FCRL5: variants seen among roughly 807,000 people sequenced by gnomAD.
The protein encoded by FCRL5 is Fc receptor like 5, also known as Fc receptor-like protein 5.
Under a neutral mutation model 92.1 loss-of-function variants are expected in FCRL5, and 79 were observed. The ratio of observed to expected loss-of-function variants is 0.86; its 90% CI spans 0.72 to 1.03. The LOEUF (loss-of-function observed/expected upper bound fraction) is 1.03. Ranked by LOEUF, FCRL5 falls within the 50% of genes least tolerant of loss-of-function variation. The pLI is 0.00. For missense variants in FCRL5, 1,160 were observed against 1,181.1 expected, an observed-to-expected ratio of 0.98 and a Z score of 0.26; for synonymous variants, 466 against 469.3, an observed-to-expected ratio of 0.99 and a Z score of 0.09.
rs1649846246 is a variant in FCRL5, at chr1:157,514,717, A to C, written c.*958T>G. 1 of 152,270 alleles carries C rather than the reference A, an allele frequency of 6.6e-6. No homozygotes were observed. 9.4% of individuals were successfully genotyped at this position (152,270 alleles called of 1,614,324 possible). ...TCACAGGATCCTCAGGTGATCCACA[A>C]GCACATGAAAGTGTGAGAAGCCCTT... is the stretch of plus-strand genomic sequence containing the variant. On this transcript the variant is annotated 3_prime_UTR_variant, in exon 17 of 17. Transcript: ENST00000361835.
intron 9 of FCRL5, among the ~76,000 whole-genome samples, chr1:157,525,021 T>A (rs182421598): frequency 6.8e-4 from 103 of 152,264 alleles, no homozygotes; most frequent in African/African-American, 2.4e-3. Context: ...AAAAATTTTT[T>A]AAAAAATTGA....
At chr1:157,543,614 A>C (rs10796979) in intron 5 of FCRL5, among the ~76,000 whole-genome samples, 112,651 of 152,024 alleles carry the variant, frequency 0.74, 44,063 homozygotes, top group South Asian at 0.86. Flanking sequence ...TGATGATCAC[A>C]TTGCCTCCTT....
At chr1:157,517,922 T>C (rs1185303669) in intron 15 of FCRL5, among the ~76,000 whole-genome samples, 1 of 151,556 alleles carries the variant, frequency 6.6e-6, no homozygotes, top group Non-Finnish European at 1.5e-5. Context: ...TGAAAGATGA[T>C]CTCTCCCTCT....
chr1:157,528,245 TAC>T (rs1650526854), intron 8 of FCRL5: 1 of 164,762 alleles, frequency 6.1e-6, no homozygotes, highest in Non-Finnish European at 1.3e-5. Flanking sequence ...TACTTAGAAA[TAC>T]ACCTTCACAA....
intron 6 of FCRL5, chr1:157,542,064 A>G (rs182991219): frequency 2.6e-4 from 40 of 152,350 alleles, no homozygotes; most frequent in African/African-American, 8.4e-4. Flanking sequence ...CCAAGCTGGT[A>G]TTATTGTTTT....
chr1:157,526,096 G>C (rs906016744), intron 9 of FCRL5, among the ~76,000 whole-genome samples: 3 of 152,194 alleles, frequency 2.0e-5, no homozygotes, highest in Non-Finnish European at 4.4e-5. Flanking sequence ...GTGCTTAAAG[G>C]TTTTCTATAA....
In FCRL5 at chr1:157,544,467, G is replaced by T. The variant is rs1184868150; in HGVS notation, c.639C>A (p.Thr213=). The change falls in exon 5 of 17, where the codon ACC becomes ACA. Residue 213 remains threonine, a synonymous_variant. Transcript: ENST00000361835. ...CATCTGACCTCTCTAGAGAGAGCTG[G>T]GTCTCACAGGTCAGGGTCACTGGGT... is the stretch of plus-strand genomic sequence containing the variant. The part of the protein sequence containing the change: ...SGNPVTLTCE[T]QLSLERSDVP... 1.9e-6 allele frequency: 3 copies of T among 1,614,196 alleles called. No individual in the cohort carries two copies. The highest frequency in any genetic ancestry group is 2.5e-6 in the Non-Finnish European group (3 of 1,180,034).
rs1398275449 is a variant in FCRL5 at position 157,537,182 on chromosome 1, A to G, written c.1402+1904T>C. 7.9e-5 allele frequency among the ~76,000 whole-genome samples: 12 copies of G among 152,352 alleles called. No individual in the cohort carries two copies. In the East Asian group the frequency reaches 2.3e-3, roughly 29 times the overall value. On this transcript the variant is annotated intron_variant, in intron 7 of 16. Transcript: ENST00000361835. ...CTCTGGCTGCCTGTGAGCTGGGTGG[A>G]ACAGAGTCATATTTTTCTTCTTTCT...
intron 12 of FCRL5, 95 bp downstream of exon 12, chr1:157,520,336 C>G: frequency 1.2e-6 from 1 of 853,914 alleles, no homozygotes; most frequent in Admixed American, 2.3e-5. Context: ...TGAGCTCTTG[C>G]GAGCCTGGGA....
intron 7 of FCRL5, among the ~76,000 whole-genome samples, chr1:157,538,321 G>T (rs372103915): frequency 6.6e-6 from 1 of 152,092 alleles, no homozygotes; most frequent in Non-Finnish European, 1.5e-5. Flanking sequence ...GGCCGCTTCC[G>T]GGACCAACCA....
At chr1:157,536,998 T>G (rs1413686147) in intron 7 of FCRL5, among the ~76,000 whole-genome samples, 5 of 152,224 alleles carry the variant, frequency 3.3e-5, no homozygotes, top group Admixed American at 3.3e-4. Context: ...TTTAATCTCT[T>G]AATCCCATCA....
At chr1:157,532,985 T>C (rs1202902967) in intron 8 of FCRL5, 1 of 152,202 alleles carries the variant, frequency 6.6e-6, no homozygotes, top group Non-Finnish European at 1.5e-5. Flanking sequence ...TATAAAATTT[T>C]CGGTTATTAT....
At chr1:157,536,241 C>T (rs1650966641) in intron 7 of FCRL5, among the ~76,000 whole-genome samples, 1 of 152,128 alleles carries the variant, frequency 6.6e-6, no homozygotes, top group African/African-American at 2.4e-5. Context: ...CTCTCCTGGC[C>T]ATGACTCAGT....
chr1:157,545,152 G>T, intron 3 of FCRL5, 70 bp from the exon 4 acceptor site: 1 of 1,523,878 alleles, frequency 6.6e-7, no homozygotes, highest in Non-Finnish European at 8.8e-7. Flanking sequence ...GTTTTTCCAA[G>T]TAGATTTTAT....
chr1:157,515,994 G>T, intron 15 of FCRL5, 121 bp from the exon 16 acceptor site: 1 of 1,074,310 alleles, frequency 9.3e-7, no homozygotes, highest in Non-Finnish European at 1.4e-6. Flanking sequence ...GCGGTGAGTA[G>T]CCATTCCTCT....
intron 2 of FCRL5, among the ~76,000 whole-genome samples, chr1:157,548,939 A>AT (rs1262304788): frequency 2.6e-5 from 4 of 152,194 alleles, no homozygotes; most frequent in African/African-American, 9.7e-5. Context: ...TACCAGGTAT[A>AT]TAACCAATGG....
intron 9 of FCRL5, among the ~76,000 whole-genome samples, chr1:157,526,797 A>G (rs1310281627): frequency 6.6e-6 from 1 of 152,006 alleles, no homozygotes; most frequent in Non-Finnish European, 1.5e-5. Context: ...TCTGAGAACA[A>G]TAGTGATAGG....
chr1:157,527,655 A>C lies in FCRL5; in HGVS notation c.1922T>G (p.Val641Gly). The C allele has an allele frequency of 6.2e-7, 1 of 1,613,818 alleles. No homozygotes were observed. The highest frequency in any genetic ancestry group is 8.5e-7 in the Non-Finnish European group (1 of 1,179,792). Residue 641 changes from valine to glycine, a missense_variant, in exon 9 of 17, where the codon GTG becomes GGG. Val to Gly is a moderately radical substitution (Grantham distance 109). Coordinates refer to ENST00000361835, the MANE Select transcript of FCRL5 (RefSeq NM_031281.3). ...NYSCEANNGLVAQHSDTISLS... is the reference protein window; with the variant it reads ...NYSCEANNGLGAQHSDTISLS... ...TGATATTGTGTCACTGTGCTGGGCC[A>C]CTAGGCCATTGTTGGCCTCACATGA... is the stretch of plus-strand genomic sequence containing the variant.
intron 2 of FCRL5, among the ~76,000 whole-genome samples, chr1:157,549,018 A>G (rs545002887): frequency 1.1e-4 from 16 of 152,256 alleles, no homozygotes; most frequent in African/African-American, 2.9e-4. Flanking sequence ...CACAGTAGCA[A>G]AGACTTGGAA....
Sources: allele counts gnomAD v4.1 joint callset (sites outside exome capture counted in the v4.1 genomes callset), GRCh38; gene constraint gnomAD v4.1.1; transcripts MANE v1.5; gene names NCBI Gene and HGNC (gene_info 2026-07-23, HGNC 2026-07-21).